GTF2E2: variants seen among roughly 807,000 people sequenced by gnomAD.
The protein encoded by GTF2E2 is general transcription factor IIE subunit 2, also known as transcription initiation factor IIE subunit beta.
Under a neutral mutation model 40.5 loss-of-function variants are expected in GTF2E2, and 21 were observed. That is an observed-to-expected ratio of 0.52 (90% CI 0.37 to 0.75). The LOEUF (loss-of-function observed/expected upper bound fraction) is 0.75. Ranked by LOEUF, GTF2E2 falls within the 30% of genes least tolerant of loss-of-function variation. The pLI, the probability that GTF2E2 is intolerant of heterozygous loss-of-function variation, is 0.00. For synonymous variants in GTF2E2, 117 were observed against 121.6 expected, an observed-to-expected ratio of 0.96 and a Z score of 0.25; for missense variants, 298 against 338.4, an observed-to-expected ratio of 0.88 and a Z score of 0.94.
chr8:30,653,278 T>C lies in GTF2E2; in HGVS notation c.166+155A>G, dbSNP rs78836919. 1.8e-3 allele frequency among the ~76,000 whole-genome samples: 268 copies of C among 152,282 alleles called. 2 individuals carry two copies. The highest frequency in any genetic ancestry group is 3.4e-3 in the Non-Finnish European group (231 of 68,010). ...TAACTACAGCACAAGACTATTAACA[T>C]CCTAAGAGCTTAAATTCTCTTGTCC... On this transcript the variant is annotated intron_variant, in intron 2 of 7. Coordinates refer to ENST00000355904, the MANE Select transcript of GTF2E2 (RefSeq NM_002095.6).
chr8:30,626,404 G>A (rs1304075214), intron 3 of GTF2E2, among the ~76,000 whole-genome samples: 4 of 152,202 alleles, frequency 2.6e-5, no homozygotes, highest in Non-Finnish European at 4.4e-5. Flanking sequence ...AGAATCGCTT[G>A]AACCCGAGAG....
chr8:30,621,218 A>G lies in GTF2E2; in HGVS notation c.259-6503T>C, dbSNP rs989027022. Among the ~76,000 whole-genome samples the G allele has an allele frequency of 4.6e-5, 7 of 152,096 alleles. 1 individual carries two copies. Among genetic ancestry groups the G allele is most frequent in the Admixed American group, 4.6e-4 (7 of 15,272 alleles). On this transcript the variant is annotated intron_variant, in intron 3 of 7. Transcript: ENST00000355904. ...AACCTAACCTGGAAAATAAGAATAC[A>G]CCTCAAGAAAAATTTAAAAATTACT...
At chr8:30,598,491 T>G (rs1016845434) in intron 6 of GTF2E2, among the ~76,000 whole-genome samples, 5 of 152,250 alleles carry the variant, frequency 3.3e-5, no homozygotes, top group African/African-American at 1.2e-4. Context: ...TAAAGTCACT[T>G]GAGCTATTTT....
intron 6 of GTF2E2, among the ~76,000 whole-genome samples, chr8:30,600,196 A>C (rs987073525): frequency 2.0e-5 from 3 of 152,216 alleles, no homozygotes; most frequent in African/African-American, 7.2e-5. Context: ...ACTGCAAAAA[A>C]TCAGCACAAA....
intron 3 of GTF2E2, among the ~76,000 whole-genome samples, chr8:30,630,961 T>C (rs1421815965): frequency 2.6e-5 from 4 of 152,224 alleles, no homozygotes; most frequent in African/African-American, 9.6e-5. Context: ...TAGGGGACAG[T>C]ATGATAAAAG....
intron 2 of GTF2E2, among the ~76,000 whole-genome samples, chr8:30,636,345 C>T (rs1177923346): frequency 6.6e-6 from 1 of 152,154 alleles, no homozygotes; most frequent in Non-Finnish European, 1.5e-5. Context: ...CAATCTCTGG[C>T]ACCAGGTTGG....
chr8:30,608,927 T>G (rs1563485313), intron 5 of GTF2E2, among the ~76,000 whole-genome samples: 1 of 152,152 alleles, frequency 6.6e-6, no homozygotes, highest in Non-Finnish European at 1.5e-5. Flanking sequence ...TTTTTGTACT[T>G]TTTAGTAGAG....
rs538901508 is a variant in GTF2E2, at chr8:30,633,453, G to A, written c.258+1579C>T. Reference sequence around the variant, plus strand: ...ATATGCCAGAAATTCTGTATTTCTGGTCATCATTTAAATTTTTGCTTGAAT... The same window carrying A: ...ATATGCCAGAAATTCTGTATTTCTGATCATCATTTAAATTTTTGCTTGAAT... On this transcript the variant is annotated intron_variant, in intron 3 of 7. Transcript: ENST00000355904. 1.6e-4 allele frequency among the ~76,000 whole-genome samples: 24 copies of A among 151,998 alleles called. No individual in the cohort carries two copies. The South Asian group carries it at 5.0e-3, about 32-fold the overall frequency.
intron 3 of GTF2E2, among the ~76,000 whole-genome samples, chr8:30,627,798 C>A (rs1801331611): frequency 6.6e-6 from 1 of 152,224 alleles, no homozygotes. Flanking sequence ...CAACAGAACA[C>A]TGAAGCTGAA....
At chr8:30,635,572 G>T (rs1801572743) in intron 2 of GTF2E2, among the ~76,000 whole-genome samples, 1 of 151,824 alleles carries the variant, frequency 6.6e-6, no homozygotes, top group African/African-American at 2.4e-5. Flanking sequence ...TTGTAGAGAT[G>T]GGGTTTCGCC....
intron 2 of GTF2E2, among the ~76,000 whole-genome samples, chr8:30,638,891 T>C (rs1801706123): frequency 6.6e-6 from 1 of 152,218 alleles, no homozygotes; most frequent in Non-Finnish European, 1.5e-5. Flanking sequence ...CTGATCTATA[T>C]CCAGACCTCA....
intron 2 of GTF2E2, chr8:30,645,446 TG>T (rs1213752277): frequency 5.9e-6 from 9 of 1,535,536 alleles, no homozygotes; most frequent in African/African-American, 1.4e-5. Flanking sequence ...ATATTTACAG[TG>T]GTATCTTTAG....
chr8:30,589,542 C>T (rs1224881529), intron 6 of GTF2E2, among the ~76,000 whole-genome samples: 2 of 152,208 alleles, frequency 1.3e-5, no homozygotes, highest in Non-Finnish European at 2.9e-5. Flanking sequence ...GCCTGAGCAA[C>T]AGAGCAAGAC....
intron 3 of GTF2E2, among the ~76,000 whole-genome samples, chr8:30,627,174 TAA>T (rs1801303262): frequency 6.6e-6 from 1 of 152,148 alleles, no homozygotes; most frequent in African/African-American, 2.4e-5. Context: ...CACATGATGC[TAA>T]GAGGTTTAAT....
At chr8:30,615,502 G>C (rs900357476) in intron 3 of GTF2E2, among the ~76,000 whole-genome samples, 5 of 152,154 alleles carry the variant, frequency 3.3e-5, no homozygotes, top group African/African-American at 9.7e-5. Flanking sequence ...GTCCATATTA[G>C]AAGACAGATT....
chr8:30,642,896 G>GT (rs1188804140), intron 2 of GTF2E2, among the ~76,000 whole-genome samples: 26 of 152,092 alleles, frequency 1.7e-4, no homozygotes, highest in African/African-American at 6.3e-4. Context: ...TATTTTTGAG[G>GT]TAAGGGGACC....
intron 3 of GTF2E2, among the ~76,000 whole-genome samples, chr8:30,615,458 T>C (rs927141899): frequency 1.3e-5 from 2 of 152,270 alleles, no homozygotes; most frequent in Non-Finnish European, 2.9e-5. Context: ...TGTAGCATTG[T>C]TCATAAAAGG....
intron 6 of GTF2E2, among the ~76,000 whole-genome samples, chr8:30,600,531 C>T (rs961888850): frequency 6.6e-6 from 1 of 152,008 alleles, no homozygotes; most frequent in African/African-American, 2.4e-5. Context: ...AAGTGTCTTG[C>T]CTAGGCTAGT....
In GTF2E2 at chr8:30,601,368, A is replaced by G. The variant is rs555282837; in HGVS notation, c.643+5689T>C. ...CTCAATCTTCCTCTATTCTATCAAC[A>G]TAAACTGGACCTTTAACCAAGTTCC... is the stretch of plus-strand genomic sequence containing the variant. On this transcript the variant is annotated intron_variant, in intron 6 of 7. Coordinates refer to ENST00000355904, the MANE Select transcript of GTF2E2 (RefSeq NM_002095.6). 3.9e-4 allele frequency among the ~76,000 whole-genome samples: 60 copies of G among 152,352 alleles called. No homozygotes were observed. In the Middle Eastern group the frequency reaches 0.014, roughly 35 times the overall value.
Sources: gnomAD v4.1 joint callset for allele counts (sites outside exome capture counted in the v4.1 genomes callset) on GRCh38, gnomAD v4.1.1 for gene constraint, MANE v1.5 for transcripts, NCBI Gene and HGNC (gene_info 2026-07-23, HGNC 2026-07-21) for gene names.